The following LNX2 variants were observed in gnomAD, a reference collection of about 807,000 sequenced individuals.
The protein encoded by LNX2 is ligand of numb-protein X 2, also known as ligand of Numb protein X 2.
LNX2 carries 35 observed loss-of-function variants against 66.2 expected under a neutral mutation model. The observed-to-expected ratio is 0.53, with a 90% CI of 0.40 to 0.70. LNX2 has a LOEUF of 0.70. LNX2 is among the 30% of genes least tolerant of loss of function. The pLI is 0.00. For synonymous variants in LNX2, 337 were observed against 315.6 expected (o/e 1.07, Z -0.72); for missense variants, 791 against 850.8 (o/e 0.93, Z 0.87).
chr13:27,598,403 C>T (rs992535982), intron 1 of LNX2, among the ~76,000 whole-genome samples: 2 of 151,892 alleles, frequency 1.3e-5, no homozygotes, highest in Non-Finnish European at 2.9e-5. Context: ...GGGATGAGAC[C>T]GATGTCACAA....
At position 27,548,060 on chromosome 13, in the gene LNX2, T is replaced by C; in HGVS notation, c.*275A>G. On this transcript the variant is annotated 3_prime_UTR_variant, in exon 10 of 10. Transcript: ENST00000316334. ...TCTGGGGCACAGTTTGGGTGAGCTTTGCTCATTACCATAGGTAACATTTTA... is the reference window on the plus strand; with the variant it reads ...TCTGGGGCACAGTTTGGGTGAGCTTCGCTCATTACCATAGGTAACATTTTA... The C allele has an allele frequency of 2.7e-6, 1 of 375,746 alleles. No homozygotes were observed. Among genetic ancestry groups the C allele is most frequent in the South Asian group, 3.6e-5 (1 of 27,846 alleles). 23.3% of individuals were successfully genotyped at this position (375,746 alleles called of 1,614,324 possible).
chr13:27,558,176 T>C (rs1955086211), intron 6 of LNX2, among the ~76,000 whole-genome samples: 1 of 152,060 alleles, frequency 6.6e-6, no homozygotes, highest in Non-Finnish European at 1.5e-5. Flanking sequence ...TCTGAAAAGA[T>C]TGTTTTGGTG....
chr13:27,559,413 T>C (rs1955101536), intron 6 of LNX2, among the ~76,000 whole-genome samples: 1 of 152,204 alleles, frequency 6.6e-6, no homozygotes, highest in Non-Finnish European at 1.5e-5. Context: ...ATGTATCTAA[T>C]TCAGGTTCTG....
At chr13:27,554,953 G>C (rs1955040697) in intron 7 of LNX2, among the ~76,000 whole-genome samples, 1 of 152,050 alleles carries the variant, frequency 6.6e-6, no homozygotes, top group South Asian at 2.1e-4. Flanking sequence ...ATCTTACTGT[G>C]GTTTTGATTT....
intron 6 of LNX2, 106 bp downstream of exon 6, chr13:27,559,736 G>C (rs1002181611): frequency 1.6e-5 from 17 of 1,092,004 alleles, no homozygotes; most frequent in African/African-American, 4.9e-5. Flanking sequence ...TAAAAAAACT[G>C]CTTTATTGAG....
At chr13:27,592,393 G>C (rs983113922) in intron 1 of LNX2, among the ~76,000 whole-genome samples, 4 of 152,298 alleles carry the variant, frequency 2.6e-5, no homozygotes, top group African/African-American at 9.6e-5. Flanking sequence ...TTTTTGATCT[G>C]AGCAACTGGA....
chr13:27,563,359 G>T (rs987774714), intron 4 of LNX2, among the ~76,000 whole-genome samples: 28 of 152,114 alleles, frequency 1.8e-4, no homozygotes, highest in African/African-American at 6.8e-4. Context: ...AAGAAAACCA[G>T]GTTAATTGTA....
At chr13:27,603,104 G>T (rs149403189) in intron 1 of LNX2, among the ~76,000 whole-genome samples, 142 of 152,156 alleles carry the variant, frequency 9.3e-4, no homozygotes, top group South Asian at 1.7e-3. Context: ...TTGTTGCTTA[G>T]GAAACTGGTA....
At chr13:27,608,713 T>G (rs984097756) in intron 1 of LNX2, among the ~76,000 whole-genome samples, 1 of 152,184 alleles carries the variant, frequency 6.6e-6, no homozygotes, top group Admixed American at 6.5e-5. Flanking sequence ...TTTAAAATAT[T>G]ACTTTTAAGA....
intron 4 of LNX2, 45 bp downstream of exon 4, chr13:27,567,595 A>C (rs764781308): frequency 8.4e-6 from 13 of 1,539,744 alleles, no homozygotes; most frequent in Non-Finnish European, 1.2e-5. Context: ...AGTGTTAAGA[A>C]TGGAACAAAA....
Position 27,548,269 on chromosome 13 carries a change from AC to A in LNX2, c.*65del. The A allele has an allele frequency of 6.5e-7, 1 of 1,532,162 alleles. No homozygotes were observed. Among genetic ancestry groups the A allele is most frequent in the Non-Finnish European group, 8.9e-7 (1 of 1,120,960 alleles). The allele number at this position is 1,532,162 out of a possible 1,614,324, so 94.9% of individuals were successfully genotyped here. A position where few individuals can be genotyped will look rare whatever the true frequency, so the allele number is the denominator to read the frequency against. On this transcript the variant is annotated 3_prime_UTR_variant, in exon 10 of 10. Transcript: ENST00000316334. The stretch of plus-strand genomic sequence containing the variant: ...GCTCCTAAACCACAAACACAATGAA[AC>A]CAAAGGGTTTTCTTTCAAAAATCTA...
chr13:27,611,728 G>T (rs1478130013), intron 1 of LNX2, among the ~76,000 whole-genome samples: 2 of 152,108 alleles, frequency 1.3e-5, no homozygotes, highest in Non-Finnish European at 2.9e-5. Flanking sequence ...CATTTCACTA[G>T]ATTTCAGTAC....
intron 1 of LNX2, among the ~76,000 whole-genome samples, chr13:27,583,251 T>TGC (rs1955437624): frequency 6.4e-5 from 3 of 46,622 alleles, no homozygotes; most frequent in Admixed American, 2.0e-4. Context: ...TGTGTGTGTG[T>TGC]GTGTGCGCGC....
At chr13:27,615,968 T>C (rs994197902) in intron 1 of LNX2, among the ~76,000 whole-genome samples, 1 of 152,086 alleles carries the variant, frequency 6.6e-6, no homozygotes, top group Non-Finnish European at 1.5e-5. Flanking sequence ...CTCTGCAACA[T>C]ATTTGAAGAG....
At chr13:27,585,221 C>G (rs1355764708) in intron 1 of LNX2, among the ~76,000 whole-genome samples, 1 of 151,480 alleles carries the variant, frequency 6.6e-6, no homozygotes, top group Non-Finnish European at 1.5e-5. Context: ...GTCAGGAGAT[C>G]GAGACCATCC....
chr13:27,606,735 G>C (rs886159770), intron 1 of LNX2, among the ~76,000 whole-genome samples: 1 of 152,100 alleles, frequency 6.6e-6, no homozygotes, highest in Non-Finnish European at 1.5e-5. Flanking sequence ...CTCACCTCAG[G>C]CTTGTTTTTC....
At chr13:27,581,959 T>C (rs1187684505) in intron 1 of LNX2, among the ~76,000 whole-genome samples, 156 bp from the exon 2 acceptor site, 1 of 152,212 alleles carries the variant, frequency 6.6e-6, no homozygotes, top group Non-Finnish European at 1.5e-5. Flanking sequence ...ATTAATTTTC[T>C]AGTTGGCTAA....
chr13:27,606,390 AAG>A (rs1555270030), intron 1 of LNX2, among the ~76,000 whole-genome samples: 9 of 151,680 alleles, frequency 5.9e-5, no homozygotes, highest in African/African-American at 2.2e-4. Flanking sequence ...AAAAAAAAAA[AAG>A]AGAGAAAAGC....
Position 27,592,749 on chromosome 13 carries a change from T to C in LNX2, c.-100-10946A>G, listed in dbSNP as rs974867019. Reference sequence around the variant, plus strand: ...GGCAGAGGAGGAGTGTCCACTGTGATTGGACGAAAATTAAGAGAGAATTGT... The same window carrying C: ...GGCAGAGGAGGAGTGTCCACTGTGACTGGACGAAAATTAAGAGAGAATTGT... On this transcript the variant is annotated intron_variant, in intron 1 of 9. Coordinates refer to ENST00000316334, the MANE Select transcript of LNX2 (RefSeq NM_153371.4). 2.0e-5 allele frequency among the ~76,000 whole-genome samples: 3 copies of C among 152,092 alleles called. No homozygotes were observed. In the East Asian group the frequency reaches 5.8e-4, roughly 29 times the overall value.
Sources: gnomAD v4.1 joint callset for allele counts (sites outside exome capture counted in the v4.1 genomes callset) on GRCh38, gnomAD v4.1.1 for gene constraint, MANE v1.5 for transcripts, NCBI Gene and HGNC (gene_info 2026-07-23, HGNC 2026-07-21) for gene names.